Variants in SGSM1 observed in about 807,000 individuals in gnomAD.
The protein encoded by SGSM1 is RUN and TBC1 domain containing 2.
SGSM1 carries 73 observed loss-of-function variants against 133.8 expected under a neutral mutation model. The ratio of observed to expected loss-of-function variants is 0.55; its 90% CI spans 0.45 to 0.66. The LOEUF is 0.66. Ranked by LOEUF, SGSM1 falls within the 30% of genes least tolerant of loss-of-function variation. The pLI, the probability that SGSM1 is intolerant of heterozygous loss-of-function variation, is 0.00. For missense variants in SGSM1, 1,213 were observed against 1,448.1 expected (o/e 0.84, Z 2.64); for synonymous variants, 563 against 573.0 (o/e 0.98, Z 0.25).
chr22:24,920,806 T>G (rs1042640379), intron 24 of SGSM1, among the ~76,000 whole-genome samples: 12 of 152,240 alleles, frequency 7.9e-5, no homozygotes, highest in African/African-American at 2.9e-4. Context: ...TTGAGAACTG[T>G]TTTAGATTTA....
At chr22:24,858,440 C>G (rs1930931660) in intron 8 of SGSM1, among the ~76,000 whole-genome samples, 1 of 151,958 alleles carries the variant, frequency 6.6e-6, no homozygotes, top group Admixed American at 6.5e-5. Flanking sequence ...CATGGCGAAA[C>G]CCTATCTCTA....
chr22:24,890,252 G>A lies in SGSM1; in HGVS notation c.1771-3179G>A, dbSNP rs143800924. Among the ~76,000 whole-genome samples the A allele has an allele frequency of 6.6e-5, 10 of 152,066 alleles. No homozygotes were observed. The South Asian group carries it at 8.3e-4, about 13-fold the overall frequency. On this transcript the variant is annotated intron_variant, in intron 16 of 24. Coordinates refer to ENST00000400358, the MANE Select transcript of SGSM1 (RefSeq NM_001098497.3). ...ATTACAGGCATGAGCCACCACGCCCGGACTTAAACGGATTTTTGACTTAAG... is the reference window on the plus strand; with the variant it reads ...ATTACAGGCATGAGCCACCACGCCCAGACTTAAACGGATTTTTGACTTAAG...
At chr22:24,886,535 C>T (rs546646183) in intron 15 of SGSM1, 65 bp from the exon 16 acceptor site, 2 of 1,527,664 alleles carry the variant, frequency 1.3e-6, no homozygotes, top group Non-Finnish European at 1.8e-6. Context: ...GAAACCCCAT[C>T]CCTACTAAAA....
chr22:24,820,784 G>A (rs1928422756), intron 2 of SGSM1, among the ~76,000 whole-genome samples: 1 of 152,236 alleles, frequency 6.6e-6, no homozygotes, highest in Non-Finnish European at 1.5e-5. Context: ...TCTGTGCTGG[G>A]CATGGCGGAG....
chr22:24,906,631 A>G (rs1429045970), intron 21 of SGSM1, among the ~76,000 whole-genome samples: 2 of 152,232 alleles, frequency 1.3e-5, no homozygotes, highest in African/African-American at 4.8e-5. Context: ...TTGCAATAGC[A>G]TCTAGAAGAA....
Position 24,855,681 on chromosome 22 carries a change from G to T in SGSM1, c.801+1G>T. 1 of 1,613,962 alleles carries T rather than the reference G, an allele frequency of 6.2e-7. No individual in the cohort carries two copies. The highest frequency in any genetic ancestry group is 8.5e-7 in the Non-Finnish European group (1 of 1,179,892). ...CAAAAACAACGTTCTTGTTCAGCCG[G>T]TGAGAGGTTATCTTGGGCCTAGATC... On this transcript the variant is annotated splice_donor_variant, in intron 8 of 24. Coordinates refer to ENST00000400358, the MANE Select transcript of SGSM1 (RefSeq NM_001098497.3). LOFTEE classifies it high-confidence loss of function.
intron 2 of SGSM1, among the ~76,000 whole-genome samples, chr22:24,816,300 A>C (rs998821803): frequency 2.6e-5 from 4 of 152,220 alleles, no homozygotes; most frequent in Non-Finnish European, 4.4e-5. Context: ...TTTGTTAGCC[A>C]GCTCCATCCT....
Position 24,806,333 on chromosome 22 carries a change from C to A in SGSM1, c.8C>A (p.Ser3Ter). The A allele has an allele frequency of 6.8e-7, 1 of 1,472,684 alleles. No individual in the cohort carries two copies. The highest frequency in any genetic ancestry group is 9.0e-7 in the Non-Finnish European group (1 of 1,114,752). The allele number at this position is 1,472,684 out of a possible 1,614,324, so 91.2% of individuals were successfully genotyped here. A position where few individuals can be genotyped will look rare whatever the true frequency, so the allele number is the denominator to read the frequency against. The change falls in exon 1 of 25, where the codon TCG becomes TAG. Residue 3 changes from serine to a stop codon, truncating the protein, a stop_gained. Coordinates refer to ENST00000400358, the MANE Select transcript of SGSM1 (RefSeq NM_001098497.3). LOFTEE classifies it high-confidence loss of function. MA[S>*]APAEAETRQR... is the part of the protein sequence containing the mutation. The stretch of plus-strand genomic sequence containing the variant: ...AACGCAGCGCTCGGAGCCATGGCCT[C>A]GGCCCCCGCGGGTAAGAGGCCGCTG...
chr22:24,822,088 C>CTTTTTTTTTTTTTTTTTTTTT (rs71320790), intron 2 of SGSM1, among the ~76,000 whole-genome samples: 3 of 96,178 alleles, frequency 3.1e-5, no homozygotes, highest in Non-Finnish European at 6.0e-5. Context: ...TCATCTCTCT[C>CTTTTTTTTTTTTTTTTTTTTT]TTTTTTTTTT....
chr22:24,846,713 A>G (rs778875421), intron 3 of SGSM1, among the ~76,000 whole-genome samples: 1 of 152,242 alleles, frequency 6.6e-6, no homozygotes, highest in Non-Finnish European at 1.5e-5. Flanking sequence ...GTTCACTTAC[A>G]TCGCCATAAG....
intron 20 of SGSM1, among the ~76,000 whole-genome samples, chr22:24,902,412 G>A (rs1329040473): frequency 6.6e-6 from 1 of 152,136 alleles, no homozygotes; most frequent in Non-Finnish European, 1.5e-5. Flanking sequence ...CAGCACTTTG[G>A]GAAGCTGACG....
At chr22:24,865,952 G>A (rs1436898397) in intron 9 of SGSM1, among the ~76,000 whole-genome samples, 3 of 152,306 alleles carry the variant, frequency 2.0e-5, no homozygotes, top group Non-Finnish European at 2.9e-5. Flanking sequence ...GCAGCCTAAC[G>A]GAAGCCTGGC....
In SGSM1 at chr22:24,924,586, C is replaced by T. The variant is rs924193125; in HGVS notation, c.*312C>T. On this transcript the variant is annotated 3_prime_UTR_variant, in exon 25 of 25. Coordinates refer to ENST00000400358, the MANE Select transcript of SGSM1 (RefSeq NM_001098497.3). ...TTTGTTTGCTGGTGCCCGGAATGGT[C>T]TCCTCTTCTTCTTTCCCTATCCCTC... is the stretch of plus-strand genomic sequence containing the variant. 4.5e-5 allele frequency: 18 copies of T among 403,836 alleles called. No individual in the cohort carries two copies. The highest frequency in any genetic ancestry group is 3.6e-4 in the African/African-American group (18 of 49,560). The allele number at this position is 403,836 out of a possible 1,614,324, so 25.0% of individuals were successfully genotyped here.
intron 16 of SGSM1, among the ~76,000 whole-genome samples, chr22:24,887,107 T>TTGTGTGTG (rs60431385): frequency 0.021 from 3,006 of 145,262 alleles, 78 homozygotes; most frequent in East Asian, 0.12. Flanking sequence ...TTGTACTTAT[T>TTGTGTGTG]TGTGTGTGTG....
chr22:24,868,905 GA>G, intron 12 of SGSM1, 50 bp downstream of exon 12: 1 of 1,594,804 alleles, frequency 6.3e-7, no homozygotes, highest in Non-Finnish European at 8.6e-7. Context: ...AACTGATCCT[GA>G]AAATGACTCC....
intron 3 of SGSM1, among the ~76,000 whole-genome samples, chr22:24,846,540 T>C (rs1183516784): frequency 1.3e-5 from 2 of 152,140 alleles, no homozygotes; most frequent in African/African-American, 4.8e-5. Flanking sequence ...GTAATAAAAA[T>C]AGTATAATAA....
intron 12 of SGSM1, chr22:24,874,653 G>A (rs1931941705): frequency 2.0e-6 from 3 of 1,474,180 alleles, no homozygotes; most frequent in African/African-American, 1.4e-5. Flanking sequence ...TTGAGTTCTG[G>A]TCCCAAGGGA....
chr22:24,909,148 T>C (rs1266362013), intron 21 of SGSM1, among the ~76,000 whole-genome samples: 6 of 152,194 alleles, frequency 3.9e-5, no homozygotes, highest in African/African-American at 1.4e-4. Context: ...TAATGCCTGA[T>C]GATCTGAGGT....
chr22:24,910,667 A>G (rs1444542456), intron 21 of SGSM1, among the ~76,000 whole-genome samples: 1 of 151,866 alleles, frequency 6.6e-6, no homozygotes, highest in Non-Finnish European at 1.5e-5. Flanking sequence ...AAATAAGTCC[A>G]GGCCCAGTAG....
Sources: gnomAD v4.1 joint callset for allele counts (sites outside exome capture counted in the v4.1 genomes callset) on GRCh38, gnomAD v4.1.1 for gene constraint, MANE v1.5 for transcripts, NCBI Gene and HGNC (gene_info 2026-07-23, HGNC 2026-07-21) for gene names.